Variants in DOK6 observed in about 807,000 individuals in gnomAD.
The protein encoded by DOK6 is docking protein 6, also known as downstream of tyrosine kinase 6.
In DOK6, 22 loss-of-function variants were observed where a neutral mutation model predicts 44.0. That is an observed-to-expected ratio of 0.50 (90% CI 0.36 to 0.71). The LOEUF (loss-of-function observed/expected upper bound fraction) is 0.71. Among genes scored for constraint, DOK6 ranks in the 30% least tolerant of loss-of-function variants. The pLI is 0.00. For synonymous variants in DOK6, 166 were observed against 145.5 expected, an observed-to-expected ratio of 1.14 and a Z score of -1.01; for missense variants, 340 against 416.4, an observed-to-expected ratio of 0.82 and a Z score of 1.60.
chr18:69,805,258 T>C (rs913341513), intron 7 of DOK6, among the ~76,000 whole-genome samples: 1 of 152,144 alleles, frequency 6.6e-6, no homozygotes, highest in Non-Finnish European at 1.5e-5. Flanking sequence ...AGTTTTTTTA[T>C]CTCAAAGGGT....
intron 1 of DOK6, among the ~76,000 whole-genome samples, chr18:69,524,655 A>G (rs1055233195): frequency 1.3e-5 from 2 of 152,050 alleles, no homozygotes; most frequent in Non-Finnish European, 2.9e-5. Flanking sequence ...ATAAACAACT[A>G]AAAATGTTCA....
intron 1 of DOK6, among the ~76,000 whole-genome samples, chr18:69,438,962 C>G (rs1599131638): frequency 6.6e-6 from 1 of 152,198 alleles, no homozygotes; most frequent in Middle Eastern, 3.4e-3. Flanking sequence ...GTTCCAGCTA[C>G]TCGGGAGGCT....
intron 3 of DOK6, chr18:69,660,653 T>A (rs2144671529): frequency 6.6e-6 from 1 of 151,042 alleles, no homozygotes; most frequent in South Asian, 2.1e-4. Flanking sequence ...TTTGAAGACA[T>A]GAGACATCTA....
At chr18:69,420,494 T>A (rs1384166957) in intron 1 of DOK6, among the ~76,000 whole-genome samples, 1 of 152,132 alleles carries the variant, frequency 6.6e-6, no homozygotes, top group Non-Finnish European at 1.5e-5. Flanking sequence ...TTATTTATTT[T>A]TATTTTTTTA....
chr18:69,610,427 A>T lies in DOK6; in HGVS notation c.289+10929A>T, dbSNP rs528230952. 2.6e-5 allele frequency among the ~76,000 whole-genome samples: 4 copies of T among 152,326 alleles called. No homozygotes were observed. In the South Asian group the frequency reaches 8.3e-4, roughly 32 times the overall value. On this transcript the variant is annotated intron_variant, in intron 3 of 7. Transcript: ENST00000382713. Reference sequence around the variant, plus strand: ...CAAGAACATTAAGTACATTATGTATAACGGCAAAAAAATTAGAAATATATG... The same window carrying T: ...CAAGAACATTAAGTACATTATGTATTACGGCAAAAAAATTAGAAATATATG...
At chr18:69,509,404 A>G (rs9952168) in intron 1 of DOK6, among the ~76,000 whole-genome samples, 36,880 of 151,944 alleles carry the variant, frequency 0.24, 4,698 homozygotes, top group South Asian at 0.4. Context: ...TTGGGAGGCC[A>G]AGGCGGGCGG....
chr18:69,757,465 A>G (rs1286466338), intron 6 of DOK6, among the ~76,000 whole-genome samples: 1 of 152,222 alleles, frequency 6.6e-6, no homozygotes, highest in African/African-American at 2.4e-5. Context: ...AGTGAGTACA[A>G]TTGATCATGC....
intron 4 of DOK6, among the ~76,000 whole-genome samples, chr18:69,685,804 A>G (rs558246421): frequency 6.6e-6 from 1 of 152,172 alleles, no homozygotes; most frequent in African/African-American, 2.4e-5. Flanking sequence ...TTTGCGTTAT[A>G]ATTTTAACAT....
At chr18:69,565,474 CGTGTGTGTGTGT>C (rs869115556) in intron 2 of DOK6, among the ~76,000 whole-genome samples, 11 of 87,600 alleles carry the variant, frequency 1.3e-4, no homozygotes, top group East Asian at 3.3e-4. Flanking sequence ...TCTGTCTCTA[CGTGTGTGTGTGT>C]GTGTGTGTGT....
intron 4 of DOK6, among the ~76,000 whole-genome samples, chr18:69,697,910 A>ATT (rs1986424491): frequency 6.6e-6 from 1 of 152,192 alleles, no homozygotes; most frequent in East Asian, 1.9e-4. Flanking sequence ...AAACTAAATG[A>ATT]TTTTTCCAGT....
intron 2 of DOK6, among the ~76,000 whole-genome samples, chr18:69,595,098 A>T (rs555914324): frequency 6.6e-6 from 1 of 152,338 alleles, no homozygotes; most frequent in East Asian, 1.9e-4. Flanking sequence ...AACACTGATG[A>T]AAGAATTGAA....
chr18:69,755,745 T>C (rs1979334489), intron 6 of DOK6, among the ~76,000 whole-genome samples: 1 of 152,232 alleles, frequency 6.6e-6, no homozygotes, highest in African/African-American at 2.4e-5. Flanking sequence ...GGGGTAAAAC[T>C]GGAGACCTCC....
At chr18:69,650,318 G>A (rs908419296) in intron 3 of DOK6, among the ~76,000 whole-genome samples, 15 of 152,118 alleles carry the variant, frequency 9.9e-5, no homozygotes, top group African/African-American at 3.6e-4. Context: ...CTCTGAGCTG[G>A]AAGTCATCCA....
intron 5 of DOK6, among the ~76,000 whole-genome samples, chr18:69,731,202 T>G (rs568137165): frequency 1.6e-4 from 24 of 152,244 alleles, no homozygotes; most frequent in African/African-American, 5.3e-4. Context: ...CCATATACAT[T>G]TATGTAATCA....
At chr18:69,495,205 A>G (rs1364032908) in intron 1 of DOK6, among the ~76,000 whole-genome samples, 1 of 152,194 alleles carries the variant, frequency 6.6e-6, no homozygotes, top group Non-Finnish European at 1.5e-5. Flanking sequence ...CAAAGCCCCA[A>G]AGAGGGAGTC....
chr18:69,617,128 G>A (rs987461419), intron 3 of DOK6, among the ~76,000 whole-genome samples: 4 of 151,978 alleles, frequency 2.6e-5, no homozygotes, highest in Non-Finnish European at 5.9e-5. Flanking sequence ...TTAGGAAGAG[G>A]TTTTTAAAAT....
chr18:69,550,945 G>T (rs540747129), intron 1 of DOK6, among the ~76,000 whole-genome samples: 2 of 151,618 alleles, frequency 1.3e-5, no homozygotes, highest in Non-Finnish European at 2.9e-5. Flanking sequence ...CACCATGCCC[G>T]GCTAATTTTT....
chr18:69,484,578 G>T (rs1056029539), intron 1 of DOK6, among the ~76,000 whole-genome samples: 8 of 152,154 alleles, frequency 5.3e-5, no homozygotes, highest in African/African-American at 1.7e-4. Context: ...ACAGGGTTGG[G>T]TTCTCAGAGC....
At chr18:69,508,138 A>G (rs1981248245) in intron 1 of DOK6, among the ~76,000 whole-genome samples, 1 of 152,062 alleles carries the variant, frequency 6.6e-6, no homozygotes, top group Admixed American at 6.5e-5. Flanking sequence ...CCATTATATA[A>G]TCTTTTGATA....
Sources: allele counts gnomAD v4.1 joint callset (sites outside exome capture counted in the v4.1 genomes callset), GRCh38; gene constraint gnomAD v4.1.1; transcripts MANE v1.5; gene names NCBI Gene and HGNC (gene_info 2026-07-23, HGNC 2026-07-21).